The following ATP6V1C1 variants were observed in gnomAD, a reference collection of about 807,000 sequenced individuals.
ATP6V1C1 encodes the protein ATPase H+ transporting V1 subunit C1.
Under a neutral mutation model 53.9 loss-of-function variants are expected in ATP6V1C1, and 45 were observed. The observed-to-expected ratio is 0.83, with a 90% CI of 0.66 to 1.07. The LOEUF (loss-of-function observed/expected upper bound fraction) is 1.07. Ranked by LOEUF, ATP6V1C1 falls within the 50% of genes least tolerant of loss-of-function variation. The pLI, the probability that ATP6V1C1 is intolerant of heterozygous loss-of-function variation, is 0.00. For synonymous variants in ATP6V1C1, 153 were observed against 155.2 expected (o/e 0.99, Z 0.11); for missense variants, 315 against 440.3 (o/e 0.72, Z 2.55).
chr8:103,060,625 C>G (rs1817380542), intron 8 of ATP6V1C1, among the ~76,000 whole-genome samples: 1 of 152,192 alleles, frequency 6.6e-6, no homozygotes, highest in African/African-American at 2.4e-5. Context: ...TGTTAAATGA[C>G]TACAAGTCTG....
At chr8:103,060,388 C>T (rs1817376835) in intron 8 of ATP6V1C1, among the ~76,000 whole-genome samples, 1 of 152,202 alleles carries the variant, frequency 6.6e-6, no homozygotes, top group South Asian at 2.1e-4. Context: ...TTTCAAACTT[C>T]CACCTGGTAT....
At chr8:103,067,149 A>G (rs1817505959) in intron 12 of ATP6V1C1, among the ~76,000 whole-genome samples, 1 of 152,134 alleles carries the variant, frequency 6.6e-6, no homozygotes, top group African/African-American at 2.4e-5. Context: ...CTGTAATCCC[A>G]GCACTTTGGG....
intron 7 of ATP6V1C1, 127 bp downstream of exon 7, chr8:103,054,109 T>C: frequency 1.5e-6 from 1 of 645,722 alleles, no homozygotes. Flanking sequence ...CCATTCATTC[T>C]GTCATCAACA....
In ATP6V1C1 at chr8:103,066,085, G is replaced by A. The variant is rs1342023558; in HGVS notation, c.927-236G>A. ...GTAATTGAAGTAATTCCTAGTAATT[G>A]GCGTAGAGATTTCTAGTGGACAGTG... On this transcript the variant is annotated intron_variant, in intron 11 of 12. Transcript: ENST00000518738. Among the ~76,000 whole-genome samples, 5 of 152,206 alleles carry A rather than the reference G, an allele frequency of 3.3e-5. No individual in the cohort carries two copies. In the East Asian group the frequency reaches 9.6e-4, roughly 29 times the overall value.
chr8:103,033,128 A>G (rs1411067156), intron 1 of ATP6V1C1, among the ~76,000 whole-genome samples: 3 of 152,242 alleles, frequency 2.0e-5, no homozygotes, highest in Non-Finnish European at 4.4e-5. Flanking sequence ...AGATCAGGCA[A>G]AACTAATCTA....
rs182300188 is a variant in ATP6V1C1, at chr8:103,052,745, T to C, written c.396T>C (p.Ile132=). ...CTTTTTCAAAGGGAGTAACTCAGAT[T>C]GATAATGACCTGAAATCTCGAGCAT... ...SEIIAKGVTQ[I]DNDLKSRASA... Residue 132 remains isoleucine, a synonymous_variant, in exon 6 of 13, where the codon ATT becomes ATC. Coordinates refer to ENST00000518738, the MANE Select transcript of ATP6V1C1 (RefSeq NM_001695.5). 3.3e-4 allele frequency: 521 copies of C among 1,590,814 alleles called. 4 individuals are homozygous for C. In the East Asian group the frequency reaches 7.9e-3, roughly 24 times the overall value.
Position 103,040,782 on chromosome 8 carries a change from T to A in ATP6V1C1, c.-39-16T>A. On this transcript the variant is annotated splice_polypyrimidine_tract_variant and intron_variant, in intron 1 of 12. Transcript: ENST00000518738. ...TGATTTTAAATGTGATTTTTTTTAT[T>A]TGTTTTACATTTCAGAATCTCTCTT... 6.4e-7 allele frequency: 1 copy of A among 1,565,346 alleles called. No homozygotes were observed. Among genetic ancestry groups the A allele is most frequent in the Non-Finnish European group, 8.7e-7 (1 of 1,154,644 alleles).
At chr8:103,055,786 C>T in intron 7 of ATP6V1C1, 82 bp from the exon 8 acceptor site, 1 of 1,309,906 alleles carries the variant, frequency 7.6e-7, no homozygotes, top group Non-Finnish European at 1.1e-6. Context: ...TCCTATTTGT[C>T]TCATAATTTT....
Position 103,052,813 on chromosome 8 carries a change from G to A in ATP6V1C1, c.464G>A (p.Arg155Gln). 5.0e-6 allele frequency: 8 copies of A among 1,585,804 alleles called. No individual in the cohort carries two copies. The highest frequency in any genetic ancestry group is 1.8e-5 in the Admixed American group (1 of 56,532). Residue 155 changes from arginine (R) to glutamine (Q), a missense_variant, in exon 6 of 13, where the codon CGA (arginine) becomes CAA (glutamine). By Grantham distance (43) the Arg-to-Gln change is conservative. Coordinates refer to ENST00000518738, the MANE Select transcript of ATP6V1C1 (RefSeq NM_001695.5). ...NLKGNLQNLE[R>Q]KNAGSLLTRS... Reference sequence around the variant, plus strand: ...AAAGGAAATCTTCAGAATTTGGAACGAAAGAATGCGTAAGCAGATCAAGTA... The same window carrying A: ...AAAGGAAATCTTCAGAATTTGGAACAAAAGAATGCGTAAGCAGATCAAGTA...
chr8:103,058,555 T>TA (rs1817331164), intron 8 of ATP6V1C1, among the ~76,000 whole-genome samples: 1 of 152,232 alleles, frequency 6.6e-6, no homozygotes, highest in Admixed American at 6.5e-5. Flanking sequence ...TACTGTGAGC[T>TA]AGTCTTTGTT....
At chr8:103,034,499 A>G (rs1816856574) in intron 1 of ATP6V1C1, among the ~76,000 whole-genome samples, 1 of 152,210 alleles carries the variant, frequency 6.6e-6, no homozygotes, top group South Asian at 2.1e-4. Flanking sequence ...GAATAAAGAC[A>G]TACATATTCA....
chr8:103,045,992 A>ATCCCTGGAGTGAGTCT (rs574491467), intron 3 of ATP6V1C1, among the ~76,000 whole-genome samples: 274 of 151,856 alleles, frequency 1.8e-3, no homozygotes, highest in African/African-American at 6.2e-3. Flanking sequence ...TTTAGTTGTC[A>ATCCCTGGAGTGAGTCT]TCCCTGGAGT....
chr8:103,066,208 G>T (rs1054688653), intron 11 of ATP6V1C1, 113 bp from the exon 12 acceptor site: 5 of 1,257,596 alleles, frequency 4.0e-6, no homozygotes, highest in Non-Finnish European at 5.4e-6. Context: ...GGTAAAGGGA[G>T]ATATTCTCTC....
At chr8:103,039,784 C>G (rs553135905) in intron 1 of ATP6V1C1, among the ~76,000 whole-genome samples, 2 of 152,156 alleles carry the variant, frequency 1.3e-5, no homozygotes, top group East Asian at 3.9e-4. Flanking sequence ...TTAGGTGAAT[C>G]TTAATGGGAC....
At chr8:103,032,891 C>T (rs2131384003) in intron 1 of ATP6V1C1, among the ~76,000 whole-genome samples, 1 of 152,246 alleles carries the variant, frequency 6.6e-6, no homozygotes, top group African/African-American at 2.4e-5. Context: ...GAGGAATGTT[C>T]ATAGAATCTC....
In ATP6V1C1 at chr8:103,064,796, T is replaced by C. The variant is rs1430044348; in HGVS notation, c.911T>C (p.Val304Ala). The change falls in exon 11 of 13, where the codon GTT becomes GCT. Residue 304 changes from valine to alanine, a missense_variant. By Grantham distance (64) the Val-to-Ala change is moderately conservative. Transcript: ENST00000518738. ...CACGTGAAAGCATTACGGGTTTTCG[T>C]TGAGTCTGTTTTAAGGTAAAGCAAG... ...WIHVKALRVF[V>A]ESVLRYGLPV... The C allele has an allele frequency of 1.9e-6, 3 of 1,612,824 alleles. No individual in the cohort carries two copies. Among genetic ancestry groups the C allele is most frequent in the Non-Finnish European group, 1.7e-6 (2 of 1,179,570 alleles).
chr8:103,040,413 C>CAA (rs34987267), intron 1 of ATP6V1C1, among the ~76,000 whole-genome samples: 33 of 132,352 alleles, frequency 2.5e-4, no homozygotes, highest in South Asian at 2.4e-4. Flanking sequence ...GACACTGTCT[C>CAA]AAAAAAAAAA....
Position 103,069,128 on chromosome 8 carries a change from C to G in ATP6V1C1, c.*381C>G, listed in dbSNP as rs1392712087. 2.0e-5 allele frequency: 3 copies of G among 153,224 alleles called. No individual in the cohort carries two copies. Among genetic ancestry groups the G allele is most frequent in the Non-Finnish European group, 2.9e-5 (2 of 68,812 alleles). 9.5% of individuals were successfully genotyped at this position (153,224 alleles called of 1,614,324 possible). On this transcript the variant is annotated 3_prime_UTR_variant, in exon 13 of 13. Coordinates refer to ENST00000518738, the MANE Select transcript of ATP6V1C1 (RefSeq NM_001695.5). ...GTAAACATTTATACTGTTTTGTTCACTGTATTTAGTAGACATAACTGTTGA... is the reference window on the plus strand; with the variant it reads ...GTAAACATTTATACTGTTTTGTTCAGTGTATTTAGTAGACATAACTGTTGA...
chr8:103,045,752 T>C (rs544128248), intron 3 of ATP6V1C1, among the ~76,000 whole-genome samples: 5 of 152,176 alleles, frequency 3.3e-5, no homozygotes, highest in East Asian at 3.9e-4. Context: ...CCATCCTGGC[T>C]AACACGATGA....
Sources: gnomAD v4.1 joint callset for allele counts (sites outside exome capture counted in the v4.1 genomes callset) on GRCh38, gnomAD v4.1.1 for gene constraint, MANE v1.5 for transcripts, NCBI Gene and HGNC (gene_info 2026-07-23, HGNC 2026-07-21) for gene names.